Variants in ADCYAP1R1 observed in about 807,000 individuals in gnomAD.
ADCYAP1R1 encodes pituitary adenylate cyclase-activating polypeptide type I receptor.
A neutral mutation model predicts 67.6 loss-of-function variants in ADCYAP1R1; 44 were observed. That is an observed-to-expected ratio of 0.65 (90% CI 0.51 to 0.84). ADCYAP1R1 has a LOEUF of 0.84. ADCYAP1R1 is among the 40% of genes least tolerant of loss of function. ADCYAP1R1 has a pLI of 0.00. For synonymous variants in ADCYAP1R1, 222 were observed against 219.6 expected, an observed-to-expected ratio of 1.01 and a Z score of -0.10; for missense variants, 477 against 587.9, an observed-to-expected ratio of 0.81 and a Z score of 1.95.
At position 31,101,495 on chromosome 7, in the gene ADCYAP1R1, A is replaced by T. The variant is rs932310520; in HGVS notation, c.1047-1742A>T. Among the ~76,000 whole-genome samples, 5 of 152,120 alleles carry T rather than the reference A, an allele frequency of 3.3e-5. 1 individual carries two copies. The East Asian group carries it at 5.8e-4, about 18-fold the overall frequency. ...GGGCTCCTTCAATAGATATCTTTTT[A>T]AAAGTAGCCCCTATAGGTAGGGCCA... On this transcript the variant is annotated intron_variant, in intron 13 of 15. Transcript: ENST00000304166.
intron 13 of ADCYAP1R1, among the ~76,000 whole-genome samples, chr7:31,093,625 C>T (rs899014363): frequency 2.0e-5 from 3 of 152,140 alleles, no homozygotes; most frequent in Non-Finnish European, 2.9e-5. Flanking sequence ...GATGGGCACA[C>T]TCTGGTTCTG....
At chr7:31,081,994 T>C (rs571973689) in intron 6 of ADCYAP1R1, among the ~76,000 whole-genome samples, 2 of 152,342 alleles carry the variant, frequency 1.3e-5, no homozygotes, top group East Asian at 3.9e-4. Flanking sequence ...CTTTGTGGAC[T>C]TCAAATAAAG....
At chr7:31,054,425 G>A (rs1794158007) in intron 1 of ADCYAP1R1, among the ~76,000 whole-genome samples, 1 of 152,190 alleles carries the variant, frequency 6.6e-6, no homozygotes, top group South Asian at 2.1e-4. Flanking sequence ...GGCTGGCAGG[G>A]GATTGATTGG....
At chr7:31,070,933 T>C (rs1409874917) in intron 3 of ADCYAP1R1, among the ~76,000 whole-genome samples, 1 of 152,208 alleles carries the variant, frequency 6.6e-6, no homozygotes, top group African/African-American at 2.4e-5. Flanking sequence ...TTTAGTCCTA[T>C]GCCACCCCCA....
intron 13 of ADCYAP1R1, among the ~76,000 whole-genome samples, chr7:31,097,312 GTTCATCCCTTCTTCCT>G (rs1331931099): frequency 1.3e-5 from 2 of 152,202 alleles, no homozygotes; most frequent in African/African-American, 4.8e-5. Flanking sequence ...GTCAGTCTAG[GTTCATCCCTTCTTCCT>G]GACTTAATTT....
chr7:31,080,717 CTG>C, intron 5 of ADCYAP1R1, 84 bp downstream of exon 5: 2 of 1,445,888 alleles, frequency 1.4e-6, no homozygotes, highest in Non-Finnish European at 1.9e-6. Flanking sequence ...CAGGCTCCGG[CTG>C]CTGGGATTGG....
At chr7:31,097,048 TC>T (rs1170808906) in intron 13 of ADCYAP1R1, among the ~76,000 whole-genome samples, 2 of 152,204 alleles carry the variant, frequency 1.3e-5, no homozygotes, top group Non-Finnish European at 2.9e-5. Context: ...CTGTGCTGGA[TC>T]CCCGGCTGAC....
intron 3 of ADCYAP1R1, among the ~76,000 whole-genome samples, chr7:31,073,359 G>T (rs1019187810): frequency 1.3e-5 from 2 of 152,056 alleles, no homozygotes; most frequent in Admixed American, 1.3e-4. Context: ...AAAGTGGGAA[G>T]AAAAAAAGAT....
Position 31,086,401 on chromosome 7 carries a change from C to A in ADCYAP1R1, c.687C>A (p.Val229=). The A allele has an allele frequency of 6.2e-7, 1 of 1,614,166 alleles. No individual in the cohort carries two copies. Among genetic ancestry groups the A allele is most frequent in the Non-Finnish European group, 8.5e-7 (1 of 1,180,024 alleles). Residue 229 remains valine, a synonymous_variant, in exon 10 of 16, where the codon GTC becomes GTA. Coordinates refer to ENST00000304166, the MANE Select transcript of ADCYAP1R1 (RefSeq NM_001118.5). The surrounding 1 kb of genome is among the most constrained non-coding windows in gnomAD (Gnocchi z 5.0). The part of the protein sequence containing the change: ...CFISTVECKA[V]MVFFHYCVVS... Reference sequence around the variant, plus strand: ...CCCTGCAGGTGGAATGTAAGGCCGTCATGGTTTTCTTCCACTACTGTGTTG... The same window carrying A: ...CCCTGCAGGTGGAATGTAAGGCCGTAATGGTTTTCTTCCACTACTGTGTTG...
intron 12 of ADCYAP1R1, among the ~76,000 whole-genome samples, chr7:31,090,821 G>A (rs775567986): frequency 3.9e-5 from 6 of 152,148 alleles, no homozygotes; most frequent in African/African-American, 7.2e-5. Flanking sequence ...ATCCACTATC[G>A]ATGGGCACCT....
In ADCYAP1R1 at chr7:31,081,734, G is replaced by T. The variant is rs776758464; in HGVS notation, c.308G>T (p.Ser103Ile). ...TCAGGAGAGTCTGATTTTGGTGACA[G>T]TAACTCCTTAGATCTCTCAGGTAAG... ...ETIGESDFGDSNSLDLSDMGV... is the reference protein window; with the variant it reads ...ETIGESDFGDINSLDLSDMGV... Residue 103 changes from serine to isoleucine, a missense_variant, in exon 6 of 16, where the codon AGT (serine) becomes ATT (isoleucine). Physicochemically the swap from Ser to Ile is moderately radical, Grantham distance 142. Transcript: ENST00000304166. The T allele has an allele frequency of 6.3e-7, 1 of 1,597,938 alleles. No individual in the cohort carries two copies. The highest frequency in any genetic ancestry group is 8.5e-7 in the Non-Finnish European group (1 of 1,172,440).
intron 3 of ADCYAP1R1, among the ~76,000 whole-genome samples, chr7:31,069,084 C>G (rs1192326246): frequency 1.3e-5 from 2 of 152,096 alleles, no homozygotes; most frequent in Admixed American, 1.3e-4. Context: ...GGGGTCCATG[C>G]AGATCTGTGT....
chr7:31,084,533 C>T (rs1170868910), intron 7 of ADCYAP1R1, among the ~76,000 whole-genome samples: 1 of 152,190 alleles, frequency 6.6e-6, no homozygotes, highest in African/African-American at 2.4e-5. Context: ...TGAGCATCTG[C>T]AGAATGCTGA....
intron 14 of ADCYAP1R1, 81 bp from the exon 15 acceptor site, chr7:31,104,787 A>G: frequency 1.1e-5 from 16 of 1,500,286 alleles, no homozygotes; most frequent in Non-Finnish European, 1.5e-5. Context: ...TCTGCTTCCT[A>G]GAGTCATCCC....
At position 31,061,836 on chromosome 7, in the gene ADCYAP1R1, G is replaced by C. The variant is rs191739074; in HGVS notation, c.-71-1358G>C. Among the ~76,000 whole-genome samples the C allele has an allele frequency of 3.3e-5, 5 of 152,070 alleles. No homozygotes were observed. In the East Asian group the frequency reaches 5.8e-4, roughly 18 times the overall value. ...GGGTGCAGCAGCTCTGCCTGCTGGT[G>C]GGGGGGTGTGCGAAGACTAATGGTT... On this transcript the variant is annotated intron_variant, in intron 1 of 15. Transcript: ENST00000304166.
At chr7:31,066,592 G>A (rs904787241) in intron 3 of ADCYAP1R1, among the ~76,000 whole-genome samples, 3 of 152,196 alleles carry the variant, frequency 2.0e-5, no homozygotes, top group African/African-American at 7.2e-5. Flanking sequence ...TATTGAAACT[G>A]GATCCTTGCT....
Position 31,061,536 on chromosome 7 carries a change from GT to G in ADCYAP1R1, c.-71-1657del, listed in dbSNP as rs1794501264. Among the ~76,000 whole-genome samples the G allele has an allele frequency of 2.6e-5, 4 of 152,298 alleles. No homozygotes were observed. The South Asian group carries it at 8.3e-4, about 32-fold the overall frequency. On this transcript the variant is annotated intron_variant, in intron 1 of 15. Coordinates refer to ENST00000304166, the MANE Select transcript of ADCYAP1R1 (RefSeq NM_001118.5). Reference sequence around the variant, plus strand: ...GGCCAGTGCTTGCCCAGCCTGCCCTGTCCTCCCTGACCCACAGGAGGAGGCT... The same window carrying G: ...GGCCAGTGCTTGCCCAGCCTGCCCTGCCTCCCTGACCCACAGGAGGAGGCT...
chr7:31,092,047 G>A (rs1226721684), intron 12 of ADCYAP1R1, among the ~76,000 whole-genome samples: 1 of 149,868 alleles, frequency 6.7e-6, no homozygotes. Context: ...ATGCCTGAAA[G>A]ACATTGATGT....
intron 3 of ADCYAP1R1, among the ~76,000 whole-genome samples, chr7:31,077,532 T>A (rs1019738222): frequency 3.4e-5 from 5 of 148,164 alleles, no homozygotes; most frequent in African/African-American, 1.3e-4. Context: ...GTGATCTGTT[T>A]GTGGTGTGTG....
Sources: allele counts gnomAD v4.1 joint callset (sites outside exome capture counted in the v4.1 genomes callset), GRCh38; gene constraint gnomAD v4.1.1; non-coding constraint Gnocchi (gnomAD v3.1); transcripts MANE v1.5; gene names NCBI Gene and HGNC (gene_info 2026-07-23, HGNC 2026-07-21).